GUCY1A2: variants seen among roughly 807,000 people sequenced by gnomAD.
GUCY1A2 encodes the protein guanylate cyclase soluble subunit alpha-2.
GUCY1A2 carries 27 observed loss-of-function variants against 63.5 expected under a neutral mutation model. The ratio of observed to expected loss-of-function variants is 0.43; its 90% CI spans 0.31 to 0.59. The LOEUF (loss-of-function observed/expected upper bound fraction) is 0.59, where lower values mean the gene tolerates loss of function less well. Ranked by LOEUF, GUCY1A2 falls within the 20% of genes least tolerant of loss-of-function variation. The probability of loss-of-function intolerance (pLI) is 0.11; values close to 1 mark genes in which losing one functional copy is unlikely to be tolerated. For synonymous variants in GUCY1A2, 364 were observed against 343.5 expected (o/e 1.06, Z -0.66); for missense variants, 768 against 913.3 (o/e 0.84, Z 2.05).
intron 5 of GUCY1A2, among the ~76,000 whole-genome samples, chr11:106,798,995 A>T (rs1205090584): frequency 6.6e-6 from 1 of 152,198 alleles, no homozygotes; most frequent in Non-Finnish European, 1.5e-5. Context: ...AGATGACATG[A>T]TTGTATATTT....
At chr11:106,731,127 G>A (rs75258381) in intron 6 of GUCY1A2, among the ~76,000 whole-genome samples, 2,606 of 151,990 alleles carry the variant, frequency 0.017, 21 homozygotes, top group Non-Finnish European at 0.027. Context: ...TTTTGGTTTC[G>A]TTGCAATTGT....
intron 5 of GUCY1A2, among the ~76,000 whole-genome samples, chr11:106,797,701 G>A (rs1864792014): frequency 6.6e-6 from 1 of 152,140 alleles, no homozygotes; most frequent in African/African-American, 2.4e-5. Context: ...CAAAAATAAA[G>A]ATGTTCTTTG....
intron 6 of GUCY1A2, among the ~76,000 whole-genome samples, chr11:106,755,343 C>G (rs1187074576): frequency 6.6e-6 from 1 of 151,758 alleles, no homozygotes; most frequent in Non-Finnish European, 1.5e-5. Flanking sequence ...GTGTCTCTAC[C>G]TCCTTCAATT....
chr11:106,866,264 G>A (rs542984692), intron 4 of GUCY1A2, among the ~76,000 whole-genome samples: 9 of 151,974 alleles, frequency 5.9e-5, no homozygotes, highest in African/African-American at 2.2e-4. Flanking sequence ...AATGAAAGAA[G>A]GAAGGGAGGA....
At chr11:106,730,961 GTTGT>G (rs1170991496) in intron 6 of GUCY1A2, among the ~76,000 whole-genome samples, 1 of 151,992 alleles carries the variant, frequency 6.6e-6, no homozygotes, top group Non-Finnish European at 1.5e-5. Flanking sequence ...TTTTAATGAA[GTTGT>G]TTGTTTTTGG....
chr11:106,972,449 A>C (rs1861207938), intron 3 of GUCY1A2, among the ~76,000 whole-genome samples: 1 of 152,134 alleles, frequency 6.6e-6, no homozygotes, highest in Admixed American at 6.6e-5. Flanking sequence ...AACCTGAAGA[A>C]TTTAGGAATC....
At chr11:106,797,795 A>C (rs1218976665) in intron 5 of GUCY1A2, among the ~76,000 whole-genome samples, 2 of 152,190 alleles carry the variant, frequency 1.3e-5, no homozygotes, top group East Asian at 3.9e-4. Context: ...TATAGCACTA[A>C]ATGCCCACAA....
At chr11:106,792,458 A>G (rs993885474) in intron 5 of GUCY1A2, among the ~76,000 whole-genome samples, 1 of 152,146 alleles carries the variant, frequency 6.6e-6, no homozygotes, top group African/African-American at 2.4e-5. Context: ...GGTTAGTTCA[A>G]CATACACAAA....
intron 5 of GUCY1A2, among the ~76,000 whole-genome samples, chr11:106,787,057 A>C (rs1864567867): frequency 6.6e-6 from 1 of 152,160 alleles, no homozygotes; most frequent in Non-Finnish European, 1.5e-5. Context: ...TTAGCATATC[A>C]AGTGAAAATA....
At position 106,954,188 on chromosome 11, in the gene GUCY1A2, T is replaced by C. The variant is rs1197932144; in HGVS notation, c.488-14010A>G. 2.3e-4 allele frequency among the ~76,000 whole-genome samples: 35 copies of C among 152,226 alleles called. 1 individual carries two copies. Among genetic ancestry groups the C allele is most frequent in the Non-Finnish European group, 4.4e-5 (3 of 68,040 alleles). Reference sequence around the variant, plus strand: ...TTCCATCTTAACACTGTTTTAGCTATGTTCCAGAGATTCTGGTATGTTGTC... The same window carrying C: ...TTCCATCTTAACACTGTTTTAGCTACGTTCCAGAGATTCTGGTATGTTGTC... On this transcript the variant is annotated intron_variant, in intron 3 of 7. Transcript: ENST00000526355.
intron 4 of GUCY1A2, among the ~76,000 whole-genome samples, chr11:106,833,035 G>C (rs1859071656): frequency 6.6e-6 from 1 of 152,016 alleles, no homozygotes; most frequent in African/African-American, 2.4e-5. Flanking sequence ...TCATGGTGTT[G>C]ACAGATCTCC....
chr11:106,738,675 C>T (rs181637029), intron 6 of GUCY1A2, among the ~76,000 whole-genome samples: 1 of 152,088 alleles, frequency 6.6e-6, no homozygotes, highest in Non-Finnish European at 1.5e-5. Flanking sequence ...TTGTTTTTGT[C>T]AGGTTTGTCA....
intron 4 of GUCY1A2, among the ~76,000 whole-genome samples, chr11:106,884,087 C>T (rs762947806): frequency 7.9e-5 from 12 of 151,844 alleles, no homozygotes; most frequent in South Asian, 6.2e-4. Context: ...ATATAAATGA[C>T]GAGTTAACAG....
intron 4 of GUCY1A2, among the ~76,000 whole-genome samples, chr11:106,839,750 A>G (rs928255131): frequency 6.6e-6 from 1 of 151,404 alleles, no homozygotes; most frequent in Non-Finnish European, 1.5e-5. Context: ...TCAGCAAACT[A>G]TTGCAAGGAC....
intron 4 of GUCY1A2, among the ~76,000 whole-genome samples, chr11:106,841,417 C>T (rs563637294): frequency 2.6e-5 from 4 of 151,840 alleles, no homozygotes; most frequent in African/African-American, 9.7e-5. Context: ...ATTACAAATT[C>T]CCTGTCCACA....
chr11:106,764,376 C>A (rs6588926), intron 6 of GUCY1A2, among the ~76,000 whole-genome samples: 144,080 of 152,158 alleles, frequency 0.95, 68,248 homozygotes, highest in East Asian at 0.99. Context: ...GTAATGGTTA[C>A]GAGCATGGAC....
chr11:106,866,742 G>A (rs1352634328), intron 4 of GUCY1A2, among the ~76,000 whole-genome samples: 2 of 151,972 alleles, frequency 1.3e-5, no homozygotes, highest in African/African-American at 4.8e-5. Flanking sequence ...CAGTATCTGT[G>A]GTGTGTACCT....
rs1862316306 is a variant in GUCY1A2 at position 106,674,702 on chromosome 11, C to T, written c.*12847G>A. 5.1e-6 allele frequency: 1 copy of T among 195,952 alleles called. No individual in the cohort carries two copies. Among genetic ancestry groups the T allele is most frequent in the East Asian group, 8.0e-5 (1 of 12,450 alleles). The allele number at this position is 195,952 out of a possible 1,614,324, so 12.1% of individuals were successfully genotyped here. Reference sequence around the variant, plus strand: ...CTCAATTTTTAAAAGATATTATTCACAAAGTAAATCTAATAACAAAGGAGC... The same window carrying T: ...CTCAATTTTTAAAAGATATTATTCATAAAGTAAATCTAATAACAAAGGAGC... On this transcript the variant is annotated 3_prime_UTR_variant, in exon 8 of 8. Coordinates refer to ENST00000526355, the MANE Select transcript of GUCY1A2 (RefSeq NM_000855.3).
intron 6 of GUCY1A2, among the ~76,000 whole-genome samples, chr11:106,742,990 G>A (rs560094520): frequency 1.6e-4 from 24 of 152,078 alleles, no homozygotes; most frequent in Non-Finnish European, 3.1e-4. Context: ...TGTTCAGTGG[G>A]TTCCCATTAA....
Sources: gnomAD v4.1 joint callset for allele counts (sites outside exome capture counted in the v4.1 genomes callset) on GRCh38, gnomAD v4.1.1 for gene constraint, MANE v1.5 for transcripts, NCBI Gene and HGNC (gene_info 2026-07-23, HGNC 2026-07-21) for gene names.